SGCZ: variants seen among roughly 807,000 people sequenced by gnomAD.
SGCZ encodes sarcoglycan zeta.
In SGCZ, 40 loss-of-function variants were observed where a neutral mutation model predicts 41.3. The ratio of observed to expected loss-of-function variants is 0.97; its 90% CI spans 0.75 to 1.26. The LOEUF (loss-of-function observed/expected upper bound fraction) is 1.26, where lower values mean the gene tolerates loss of function less well. Ranked by LOEUF, SGCZ falls within the 50% of genes most tolerant of loss-of-function variation. The probability of loss-of-function intolerance (pLI) is 0.00; values close to 1 mark genes in which losing one functional copy is unlikely to be tolerated. For missense variants in SGCZ, 552 were observed against 369.8 expected, an observed-to-expected ratio of 1.49 and a Z score of -4.04; for synonymous variants, 206 against 137.5, an observed-to-expected ratio of 1.50 and a Z score of -3.49.
rs73201301 is a variant in SGCZ at position 14,944,930 on chromosome 8, C to G, written c.39+292655G>C. ...CACTTCAGACATGAAAATCAAAGCACGAGCTATGCTGTTCACAGTTCCTTT... is the reference window on the plus strand; with the variant it reads ...CACTTCAGACATGAAAATCAAAGCAGGAGCTATGCTGTTCACAGTTCCTTT... On this transcript the variant is annotated intron_variant, in intron 1 of 7. Coordinates refer to ENST00000382080, the MANE Select transcript of SGCZ (RefSeq NM_139167.4). 0.02 allele frequency among the ~76,000 whole-genome samples: 3,093 copies of G among 152,050 alleles called. 151 individuals are homozygous for G. The East Asian group carries it at 0.21, about 10-fold the overall frequency.
chr8:14,863,151 G>C (rs987569595), intron 1 of SGCZ, among the ~76,000 whole-genome samples: 7 of 152,058 alleles, frequency 4.6e-5, no homozygotes, highest in African/African-American at 1.7e-4. Context: ...GGCAGTGCAG[G>C]GCTTCCAGCC....
At chr8:14,679,619 GA>G (rs1166730374) in intron 1 of SGCZ, among the ~76,000 whole-genome samples, 1 of 151,612 alleles carries the variant, frequency 6.6e-6, no homozygotes, top group African/African-American at 2.4e-5. Context: ...AAAATTTGAA[GA>G]AATATAAAGA....
chr8:14,348,939 C>G (rs963390587), intron 2 of SGCZ, among the ~76,000 whole-genome samples: 7 of 152,044 alleles, frequency 4.6e-5, no homozygotes, highest in African/African-American at 1.7e-4. Flanking sequence ...TAGAATTTTA[C>G]AAAATTTATT....
intron 1 of SGCZ, among the ~76,000 whole-genome samples, chr8:14,718,446 C>G (rs1300123877): frequency 1.3e-5 from 2 of 151,856 alleles, no homozygotes; most frequent in African/African-American, 4.8e-5. Context: ...TAAAGGATCC[C>G]CACAAGAATA....
chr8:14,208,090 A>G (rs1174072848), intron 4 of SGCZ, among the ~76,000 whole-genome samples: 1 of 152,210 alleles, frequency 6.6e-6, no homozygotes, highest in Non-Finnish European at 1.5e-5. Flanking sequence ...TTAAATGCCT[A>G]TACTCAATGT....
chr8:14,230,740 T>G (rs993889095), intron 4 of SGCZ, among the ~76,000 whole-genome samples: 5 of 141,300 alleles, frequency 3.5e-5, no homozygotes, highest in Non-Finnish European at 6.3e-5. Context: ...TCTTGTCTTC[T>G]TTCCTTCTTT....
intron 1 of SGCZ, among the ~76,000 whole-genome samples, chr8:14,826,075 C>A (rs1341907349): frequency 1.3e-5 from 2 of 148,484 alleles, no homozygotes; most frequent in Non-Finnish European, 3.0e-5. Flanking sequence ...TCTCCTAATG[C>A]TATCCCTCCC....
At chr8:14,219,028 A>G (rs2117115766) in intron 4 of SGCZ, among the ~76,000 whole-genome samples, 1 of 152,358 alleles carries the variant, frequency 6.6e-6, no homozygotes, top group Non-Finnish European at 1.5e-5. Context: ...AAAAAGCTTG[A>G]TAAGTGGGTG....
At chr8:14,244,918 G>A (rs995610030) in intron 3 of SGCZ, among the ~76,000 whole-genome samples, 2 of 151,926 alleles carry the variant, frequency 1.3e-5, no homozygotes, top group Non-Finnish European at 2.9e-5. Flanking sequence ...GTATAAGAAT[G>A]CTTGTGATTT....
At chr8:14,696,135 A>G (rs562568696) in intron 1 of SGCZ, among the ~76,000 whole-genome samples, 5 of 152,206 alleles carry the variant, frequency 3.3e-5, no homozygotes, top group African/African-American at 1.2e-4. Flanking sequence ...GCATTTTTCT[A>G]AAAGCTTAAC....
intron 6 of SGCZ, among the ~76,000 whole-genome samples, chr8:14,105,946 C>T (rs1459491955): frequency 6.6e-6 from 1 of 151,906 alleles, no homozygotes; most frequent in African/African-American, 2.4e-5. Flanking sequence ...TTTAAAAATA[C>T]TTCTATAAAT....
chr8:14,800,347 G>C (rs775895649), intron 1 of SGCZ, among the ~76,000 whole-genome samples: 4 of 152,060 alleles, frequency 2.6e-5, no homozygotes, highest in Non-Finnish European at 5.9e-5. Flanking sequence ...TATAGATAGA[G>C]CAAAAAGAGG....
intron 2 of SGCZ, among the ~76,000 whole-genome samples, chr8:14,342,899 G>A (rs1417026469): frequency 1.3e-5 from 2 of 152,130 alleles, no homozygotes; most frequent in African/African-American, 4.8e-5. Flanking sequence ...AGGCCTGGAG[G>A]CCCAGGAGGA....
At chr8:14,602,480 T>A (rs1026432612) in intron 1 of SGCZ, among the ~76,000 whole-genome samples, 7 of 150,398 alleles carry the variant, frequency 4.7e-5, no homozygotes, top group Admixed American at 3.3e-4. Flanking sequence ...AACCCAGGAG[T>A]TCAAGGCCAG....
At chr8:14,687,764 C>T (rs957075321) in intron 1 of SGCZ, among the ~76,000 whole-genome samples, 7 of 151,782 alleles carry the variant, frequency 4.6e-5, no homozygotes, top group South Asian at 4.2e-4. Context: ...CCTGAGGAAT[C>T]GCCACACTGA....
chr8:14,113,474 C>A (rs933268261), intron 5 of SGCZ, among the ~76,000 whole-genome samples: 3 of 151,954 alleles, frequency 2.0e-5, no homozygotes, highest in African/African-American at 7.2e-5. Context: ...TCTTGCGCAC[C>A]ACATGATGGA....
At chr8:15,031,157 G>A (rs1002154892) in intron 1 of SGCZ, among the ~76,000 whole-genome samples, 1 of 151,998 alleles carries the variant, frequency 6.6e-6, no homozygotes, top group African/African-American at 2.4e-5. Context: ...ATTTTAAACA[G>A]GATGCTATGG....
chr8:14,375,533 T>C (rs1349379457), intron 2 of SGCZ, among the ~76,000 whole-genome samples: 2 of 152,094 alleles, frequency 1.3e-5, no homozygotes, highest in Non-Finnish European at 2.9e-5. Flanking sequence ...AATAAAACTC[T>C]CTGATTGCAA....
intron 1 of SGCZ, among the ~76,000 whole-genome samples, chr8:15,124,618 T>C (rs1306809727): frequency 6.6e-6 from 1 of 152,174 alleles, no homozygotes; most frequent in African/African-American, 2.4e-5. Context: ...GTAAAAGCAA[T>C]TGCCAAAATA....
Sources: allele counts gnomAD v4.1 joint callset (sites outside exome capture counted in the v4.1 genomes callset), GRCh38; gene constraint gnomAD v4.1.1; transcripts MANE v1.5; gene names NCBI Gene and HGNC (gene_info 2026-07-23, HGNC 2026-07-21).